The following NFIL3 variants were observed in gnomAD, a reference collection of about 807,000 sequenced individuals.
NFIL3 encodes the protein nuclear factor interleukin-3-regulated protein.
In NFIL3, 5 loss-of-function variants were observed where a neutral mutation model predicts 10.0. The ratio of observed to expected loss-of-function variants is 0.50; its 90% confidence interval spans 0.26 to 1.06. The LOEUF is 1.06. Ranked by LOEUF, NFIL3 falls within the 50% of genes least tolerant of loss-of-function variation. NFIL3 has a pLI of 0.13. For synonymous variants in NFIL3, 202 were observed against 206.5 expected (o/e 0.98, Z 0.19); for missense variants, 436 against 547.6 (o/e 0.80, Z 2.03).
At chr9:91,412,033 C>T (rs1002048111) in intron 1 of NFIL3, among the ~76,000 whole-genome samples, 1 of 130,832 alleles carries the variant, frequency 7.6e-6, no homozygotes, top group African/African-American at 2.9e-5. Context: ...ACCTGGGAGG[C>T]AGAGATTGCA....
chr9:91,448,269 G>A, the NFIL3 span, among the ~76,000 whole-genome samples: 1 of 152,072 alleles, frequency 6.6e-6, no homozygotes, highest in African/African-American at 2.4e-5. Context: ...AGGTGTATTT[G>A]GCTCATGATT....
chr9:91,433,718 T>C, the NFIL3 span, among the ~76,000 whole-genome samples: 9 of 152,238 alleles, frequency 5.9e-5, no homozygotes, highest in Admixed American at 5.9e-4. Context: ...GTTAGATGAG[T>C]ATTTTGTGAA....
Position 91,410,420 on chromosome 9 carries a change from T to C in NFIL3, c.315A>G (p.Leu105=), listed in dbSNP as rs374496364. The C allele has an allele frequency of 8.1e-6, 13 of 1,613,674 alleles. No homozygotes were observed. The highest frequency in any genetic ancestry group is 1.1e-5 in the Non-Finnish European group (13 of 1,179,956). The change falls in exon 2 of 2, where the codon CTA becomes CTG. Residue 105 remains leucine (L), a synonymous_variant. Transcript: ENST00000297689. The surrounding 1 kb of genome is among the most constrained non-coding windows in gnomAD (Gnocchi z 5.7). ...TGGCGTTTTCTTCTCCCAGTGCAAT[T>C]AGTTTGTTCTCTAAAACCAGGTCAT... ...RLNDLVLENK[L]IALGEENATL...
At chr9:91,463,771 G>A in the NFIL3 span, among the ~76,000 whole-genome samples, 4 of 152,124 alleles carry the variant, frequency 2.6e-5, no homozygotes, top group Admixed American at 2.6e-4. Context: ...AGTCTGCAGC[G>A]ATAATAGTGG....
rs1182173308 is a variant in NFIL3 at position 91,410,181 on chromosome 9, C to T, written c.554G>A (p.Ser185Asn). ...CISVIKHSPQ[S>N]SLSDVSEVSS... Reference sequence around the variant, plus strand: ...CACTTCTGAAACATCGGACAGCGAGCTTTGTGGAGAGTGTTTAATGACAGA... The same window carrying T: ...CACTTCTGAAACATCGGACAGCGAGTTTTGTGGAGAGTGTTTAATGACAGA... The change falls in exon 2 of 2, where the codon AGC becomes AAC. Residue 185 changes from serine to asparagine, a missense_variant. This residue lies in a region of NFIL3 where 338 missense variants were observed against 399.9 expected (regional missense o/e 0.85). Transcript: ENST00000297689. This position sits in a 1 kb window ranked among gnomAD's most constrained non-coding sequence, Gnocchi z 5.7. The T allele has an allele frequency of 1.1e-5, 17 of 1,614,006 alleles. No homozygotes were observed. Among genetic ancestry groups the T allele is most frequent in the Non-Finnish European group, 1.4e-5 (16 of 1,180,034 alleles).
At chr9:91,425,466 C>T (rs2118064722), upstream of NFIL3, among the ~76,000 whole-genome samples, 1 of 152,300 alleles carries the variant, frequency 6.6e-6, no homozygotes, top group South Asian at 2.1e-4. Flanking sequence ...GGTAGTACAG[C>T]TCTGCTGACA....
chr9:91,418,160 G>A (rs1032261830), intron 1 of NFIL3, among the ~76,000 whole-genome samples: 7 of 152,094 alleles, frequency 4.6e-5, no homozygotes, highest in Non-Finnish European at 1.5e-5. Flanking sequence ...ACGCTAGCAC[G>A]ACCAATTAAC....
chr9:91,416,029 A>G (rs1833649654), intron 1 of NFIL3, among the ~76,000 whole-genome samples: 1 of 152,210 alleles, frequency 6.6e-6, no homozygotes, highest in Non-Finnish European at 1.5e-5. Flanking sequence ...GGCACTATTT[A>G]TGAATTGAGA....
the NFIL3 span, among the ~76,000 whole-genome samples, chr9:91,478,907 C>A: frequency 2.0e-5 from 3 of 152,310 alleles, no homozygotes; most frequent in Non-Finnish European, 4.4e-5. Context: ...GGAGCCTCTG[C>A]TGCAGGTCTG....
At chr9:91,415,504 A>C (rs1833636989) in intron 1 of NFIL3, among the ~76,000 whole-genome samples, 1 of 152,166 alleles carries the variant, frequency 6.6e-6, no homozygotes, top group Non-Finnish European at 1.5e-5. Flanking sequence ...GCATCTTTGC[A>C]ATGCAGTCTC....
At chr9:91,473,037 C>T in the NFIL3 span, among the ~76,000 whole-genome samples, 32 of 152,310 alleles carry the variant, frequency 2.1e-4, no homozygotes, top group Admixed American at 5.2e-4. Flanking sequence ...CCAGCAGAGG[C>T]TGCAGAACAG....
the NFIL3 span, among the ~76,000 whole-genome samples, chr9:91,443,337 G>T: frequency 6.6e-6 from 1 of 152,218 alleles, no homozygotes; most frequent in African/African-American, 2.4e-5. Context: ...AGGCCATCTG[G>T]GATTTGAAGG....
the NFIL3 span, among the ~76,000 whole-genome samples, chr9:91,431,996 G>T: frequency 2.6e-5 from 4 of 151,864 alleles, no homozygotes; most frequent in African/African-American, 4.8e-5. Context: ...GTCTTCCTGG[G>T]TTCCCAATGC....
At chr9:91,462,016 A>G in the NFIL3 span, among the ~76,000 whole-genome samples, 4 of 152,146 alleles carry the variant, frequency 2.6e-5, no homozygotes, top group Admixed American at 1.3e-4. Flanking sequence ...GGGGGAGGTT[A>G]TTCAATGGGT....
chr9:91,423,416 C>A (rs1178021901), intron 1 of NFIL3, among the ~76,000 whole-genome samples: 1 of 151,996 alleles, frequency 6.6e-6, no homozygotes, highest in Non-Finnish European at 1.5e-5. Context: ...GGCGCGAAGG[C>A]GCTGCAATCA....
chr9:91,410,582 A>G lies in NFIL3; in HGVS notation c.153T>C (p.Ser51=). ...TGEELLLSEG[S]VGKNKSSACR... ...ATGCAGAAGATTTGTTCTTCCCCAC[A>G]CTTCCTTCACTGAGAAGCAGCTCCT... Residue 51 remains serine, a synonymous_variant, in exon 2 of 2, where the codon AGT becomes AGC. Coordinates refer to ENST00000297689, the MANE Select transcript of NFIL3 (RefSeq NM_005384.3). This position sits in a 1 kb window ranked among gnomAD's most constrained non-coding sequence, Gnocchi z 5.7. The G allele has an allele frequency of 1.9e-6, 3 of 1,614,138 alleles. No individual in the cohort carries two copies. The highest frequency in any genetic ancestry group is 2.5e-6 in the Non-Finnish European group (3 of 1,180,026).
intron 1 of NFIL3, among the ~76,000 whole-genome samples, chr9:91,422,106 G>T (rs557594075): frequency 1.1e-4 from 17 of 152,168 alleles, no homozygotes; most frequent in Admixed American, 3.9e-4. Flanking sequence ...ATGACACTTG[G>T]CCATTCCCTG....
chr9:91,417,857 C>T (rs1029232303), intron 1 of NFIL3, among the ~76,000 whole-genome samples: 3 of 152,114 alleles, frequency 2.0e-5, no homozygotes, highest in Admixed American at 1.3e-4. Flanking sequence ...TCTATCATAG[C>T]AACAAATTGA....
chr9:91,427,894 C>T (rs1704893574), upstream of NFIL3, among the ~76,000 whole-genome samples: 1 of 152,138 alleles, frequency 6.6e-6, no homozygotes, highest in Admixed American at 6.5e-5. Flanking sequence ...AATCCTCCCA[C>T]CTTGGCCTCC....
Sources: gnomAD v4.1 joint callset for allele counts (sites outside exome capture counted in the v4.1 genomes callset) on GRCh38, gnomAD v4.1.1 for gene constraint, gnomAD v4.1.1 regional missense constraint, Gnocchi (gnomAD v3.1) non-coding constraint, MANE v1.5 for transcripts, NCBI Gene and HGNC (gene_info 2026-07-23, HGNC 2026-07-21) for gene names.